DENND2B: variants seen among roughly 807,000 people sequenced by gnomAD.
DENND2B encodes DENN domain containing 2B.
A neutral mutation model predicts 116.0 loss-of-function variants in DENND2B; 32 were observed. That is an observed-to-expected ratio of 0.28 (90% confidence interval 0.21 to 0.37). The LOEUF (loss-of-function observed/expected upper bound fraction) is 0.37. Among genes scored for constraint, DENND2B ranks in the 10% least tolerant of loss-of-function variants. DENND2B has a pLI of 1.00. For missense variants in DENND2B, 1,276 were observed against 1,477.7 expected (o/e 0.86, Z 2.24); for synonymous variants, 588 against 583.9 (o/e 1.01, Z -0.10).
At chr11:8,715,522 G>A in intron 6 of DENND2B, 81 bp downstream of exon 6, 1 of 1,451,780 alleles carries the variant, frequency 6.9e-7, no homozygotes, top group Non-Finnish European at 9.5e-7. Flanking sequence ...GGGAAGGAAG[G>A]AAGCCAGGAA....
intron 1 of DENND2B, among the ~76,000 whole-genome samples, chr11:8,753,264 T>G (rs1328554536): frequency 6.6e-6 from 1 of 152,150 alleles, no homozygotes; most frequent in African/African-American, 2.4e-5. Context: ...CAATTTTATT[T>G]CTATATACTA....
chr11:8,694,142 A>G lies in DENND2B; in HGVS notation c.3380-12T>C. The G allele has an allele frequency of 1.2e-6, 2 of 1,614,136 alleles. No individual in the cohort carries two copies. The highest frequency in any genetic ancestry group is 1.7e-6 in the Non-Finnish European group (2 of 1,180,018). ...CTTCATTTTGTTGCCTGTGGGCCAG[A>G]GAGGACAAGAGAGAATGTTCAGTGT... On this transcript the variant is annotated splice_polypyrimidine_tract_variant and intron_variant, in intron 19 of 19. Transcript: ENST00000313726.
At chr11:8,752,091 C>T (rs1016582740) in intron 1 of DENND2B, among the ~76,000 whole-genome samples, 1 of 152,150 alleles carries the variant, frequency 6.6e-6, no homozygotes, top group Non-Finnish European at 1.5e-5. Flanking sequence ...TGAATTATCA[C>T]GTGTGTGATA....
intron 1 of DENND2B, among the ~76,000 whole-genome samples, chr11:8,760,246 T>TCCC (rs993278143): frequency 6.6e-6 from 1 of 152,014 alleles, no homozygotes; most frequent in Admixed American, 6.6e-5. Flanking sequence ...CTGCCATACC[T>TCCC]CCCTTCCCCT....
intron 2 of DENND2B, among the ~76,000 whole-genome samples, chr11:8,734,690 G>A (rs1259030497): frequency 1.3e-5 from 2 of 150,898 alleles, no homozygotes; most frequent in African/African-American, 4.9e-5. Context: ...TCGGGAGGCT[G>A]AGGCAGGAGA....
chr11:8,910,088 A>G (rs1438387930), intron 1 of DENND2B, among the ~76,000 whole-genome samples: 1 of 151,910 alleles, frequency 6.6e-6, no homozygotes, highest in Non-Finnish European at 1.5e-5. Context: ...TAAAAGATGG[A>G]GTCAGACCCC....
At chr11:8,878,983 C>T (rs1430414316) in intron 2 of DENND2B, among the ~76,000 whole-genome samples, 1 of 152,162 alleles carries the variant, frequency 6.6e-6, no homozygotes, top group African/African-American at 2.4e-5. Context: ...AATATTGTGA[C>T]TATAATTAAT....
Position 8,698,920 on chromosome 11 carries a change from C to A in DENND2B, c.2940+13G>T. 1 of 1,614,138 alleles carries A rather than the reference C, an allele frequency of 6.2e-7. No homozygotes were observed. Among genetic ancestry groups the A allele is most frequent in the Non-Finnish European group, 8.5e-7 (1 of 1,180,016 alleles). ...CTCAGGAGCCCAACTCTAGCAAGCA[C>A]CCACCCTCTTACCTGTCGGATGAAT... On this transcript the variant is annotated intron_variant, in intron 16 of 19. Coordinates refer to ENST00000313726, the MANE Select transcript of DENND2B (RefSeq NM_213618.2).
intron 1 of DENND2B, among the ~76,000 whole-genome samples, chr11:8,908,214 A>C (rs1414792570): frequency 6.6e-6 from 1 of 152,212 alleles, no homozygotes; most frequent in East Asian, 1.9e-4. Context: ...AGTACACACA[A>C]AAAATTTTTT....
chr11:8,723,519 T>C (rs2046551635), intron 4 of DENND2B, among the ~76,000 whole-genome samples: 2 of 152,142 alleles, frequency 1.3e-5, no homozygotes. Flanking sequence ...TCTAGGCCTC[T>C]GCCTACTCAC....
At chr11:8,842,368 G>C (rs948658616) in intron 3 of DENND2B, among the ~76,000 whole-genome samples, 2 of 152,142 alleles carry the variant, frequency 1.3e-5, no homozygotes, top group African/African-American at 2.4e-5. Flanking sequence ...TCTTAGGAAA[G>C]GCCCAGAACA....
At chr11:8,703,157 C>CT (rs1427636358) in intron 13 of DENND2B, 2 of 158,202 alleles carry the variant, frequency 1.3e-5, no homozygotes, top group African/African-American at 2.4e-5. Context: ...TCCCAGGACT[C>CT]TAATCCCAGC....
In DENND2B at chr11:8,830,469, C is replaced by T. The variant is rs573711709; in HGVS notation, c.-115+8841G>A. On this transcript the variant is annotated intron_variant, in intron 4 of 6. Transcript: ENST00000524757. ...TAACAAACACTGTCTCTCCCAATAG[C>T]TTATAAATTCCCTCAGGTCAGAAAA... Among the ~76,000 whole-genome samples, 39 of 152,316 alleles carry T rather than the reference C, an allele frequency of 2.6e-4. No individual in the cohort carries two copies. In the East Asian group the frequency reaches 7.5e-3, roughly 29 times the overall value.
chr11:8,720,203 A>G (rs777664062), intron 4 of DENND2B, among the ~76,000 whole-genome samples: 9 of 152,192 alleles, frequency 5.9e-5, no homozygotes, highest in African/African-American at 1.4e-4. Flanking sequence ...TAAACTTCCA[A>G]TGGCTTCTGA....
At chr11:8,768,532 C>T (rs755631837) in intron 1 of DENND2B, among the ~76,000 whole-genome samples, 1 of 152,126 alleles carries the variant, frequency 6.6e-6, no homozygotes, top group African/African-American at 2.4e-5. Flanking sequence ...TATGAGCAAC[C>T]GTGCCTGGCC....
chr11:8,885,992 G>A (rs557789940), intron 1 of DENND2B, among the ~76,000 whole-genome samples: 3 of 152,258 alleles, frequency 2.0e-5, no homozygotes, highest in Non-Finnish European at 4.4e-5. Flanking sequence ...CCAGGCTGGA[G>A]TGCAGTGGTA....
At chr11:8,864,623 T>C (rs991566587) in intron 2 of DENND2B, among the ~76,000 whole-genome samples, 3 of 152,100 alleles carry the variant, frequency 2.0e-5, no homozygotes, top group African/African-American at 7.2e-5. Context: ...CCCCTAACAT[T>C]AAGCATATTC....
At position 8,718,419 on chromosome 11, in the gene DENND2B, C is replaced by T. The variant is rs763445492; in HGVS notation, c.1478-527G>A. 3.5e-4 allele frequency: 535 copies of T among 1,528,010 alleles called. 1 individual carries two copies. The highest frequency in any genetic ancestry group is 4.4e-4 in the Non-Finnish European group (507 of 1,141,348). 94.7% of individuals were successfully genotyped at this position (1,528,010 alleles called of 1,614,324 possible). A position where few individuals can be genotyped will look rare whatever the true frequency, so the allele number is the denominator to read the frequency against. On this transcript the variant is annotated intron_variant, in intron 4 of 19. Coordinates refer to ENST00000313726, the MANE Select transcript of DENND2B (RefSeq NM_213618.2). ...TAGGGAGCAGGGCTTCGCCAGGCCC[C>T]CTTCTCACCTACGATGCCGTTCAAC...
intron 1 of DENND2B, among the ~76,000 whole-genome samples, chr11:8,890,995 G>T (rs2064025016): frequency 6.6e-6 from 1 of 152,160 alleles, no homozygotes; most frequent in Non-Finnish European, 1.5e-5. Flanking sequence ...CAGAAAGAAA[G>T]GTCAGGTTAC....
Sources: gnomAD v4.1 joint callset for allele counts (sites outside exome capture counted in the v4.1 genomes callset) on GRCh38, gnomAD v4.1.1 for gene constraint, MANE v1.5 for transcripts, NCBI Gene and HGNC (gene_info 2026-07-23, HGNC 2026-07-21) for gene names.